DGKI: variants seen among roughly 807,000 people sequenced by gnomAD.
The protein encoded by DGKI is DAG kinase iota.
In DGKI, 55 loss-of-function variants were observed where a neutral mutation model predicts 147.5. That is an observed-to-expected ratio of 0.37 (90% CI 0.30 to 0.47). DGKI has a LOEUF of 0.47. Ranked by LOEUF, DGKI falls within the 20% of genes least tolerant of loss-of-function variation. DGKI has a pLI of 1.00. For missense variants in DGKI, 1,007 were observed against 1,323.8 expected (o/e 0.76, Z 3.71); for synonymous variants, 469 against 477.1 (o/e 0.98, Z 0.22).
intron 1 of DGKI, among the ~76,000 whole-genome samples, chr7:137,705,112 G>A (rs1313043480): frequency 1.3e-5 from 2 of 152,068 alleles, no homozygotes; most frequent in African/African-American, 2.4e-5. Flanking sequence ...CTAAATGTTG[G>A]CAAGAATGTG....
rs1382477123 is a variant in DGKI, at chr7:137,407,910, C to T, written c.2885G>A (p.Gly962Asp). The change falls in exon 30 of 33, where the codon GGC (glycine) becomes GAC (aspartate). Residue 962 changes from glycine (G) to aspartate (D), a missense_variant. Transcript: ENST00000614521. ...CSLLHYAAKT[G>D]NGEIVKYILD... ...GATATATTTCACAATCTCCCCGTTG[C>T]CGGTTTTAGCTGCGTAGTGAAGGAG... 1 of 1,614,096 alleles carries T rather than the reference C, an allele frequency of 6.2e-7. No homozygotes were observed. Among genetic ancestry groups the T allele is most frequent in the Non-Finnish European group, 8.5e-7 (1 of 1,179,954 alleles).
chr7:137,386,710 T>C lies in DGKI; in HGVS notation c.*4510A>G, dbSNP rs1373767730. ...ACTGGGGACACAGAAAAGGGTAGGG[T>C]CCAAGTCGATCTGACAGACCTGGCA... On this transcript the variant is annotated 3_prime_UTR_variant, in exon 33 of 33. Transcript: ENST00000614521. 3 of 151,936 alleles carry C rather than the reference T, an allele frequency of 2.0e-5. No individual in the cohort carries two copies. Among genetic ancestry groups the C allele is most frequent in the Non-Finnish European group, 4.4e-5 (3 of 67,972 alleles). The allele number at this position is 151,936 out of a possible 1,614,324, so 9.4% of individuals were successfully genotyped here.
In DGKI at chr7:137,390,849, G is replaced by GA. The variant is rs939034308; in HGVS notation, c.*370dup. On this transcript the variant is annotated 3_prime_UTR_variant, in exon 33 of 33. Coordinates refer to ENST00000614521, the MANE Select transcript of DGKI (RefSeq NM_001321708.2). ...TTACAGTAGAATTGTATGGTACAGGGAAAAAAACCAATGCATAGGGGGAGG... is the reference window on the plus strand; with the variant it reads ...TTACAGTAGAATTGTATGGTACAGGGAAAAAAAACCAATGCATAGGGGGAGG... The GA allele has an allele frequency of 2.1e-4, 49 of 233,298 alleles. No homozygotes were observed. Among genetic ancestry groups the GA allele is most frequent in the African/African-American group, 1.0e-3 (44 of 42,550 alleles). The allele number at this position is 233,298 out of a possible 1,614,324, so 14.5% of individuals were successfully genotyped here. A position where few individuals can be genotyped will look rare whatever the true frequency, so the allele number is the denominator to read the frequency against.
chr7:137,593,629 C>T lies in DGKI; in HGVS notation c.1311+4218G>A, dbSNP rs551443148. ...GATCCAGCACTCGAATATAGCTAAT[C>T]CAAATTGGATGTGCTGTAAGTATAA... is the stretch of plus-strand genomic sequence containing the variant. On this transcript the variant is annotated intron_variant, in intron 12 of 32. Transcript: ENST00000614521. Among the ~76,000 whole-genome samples the T allele has an allele frequency of 3.3e-5, 5 of 152,268 alleles. No individual in the cohort carries two copies. The South Asian group carries it at 1.0e-3, about 32-fold the overall frequency.
At position 137,382,857 on chromosome 7, in the gene DGKI, C is replaced by T. The variant is rs1192171477; in HGVS notation, c.*8363G>A. ...AATTACCTCAAGTGACTTCCTCCCT[C>T]ACCCAGTCAACCTGAAATCTAGGAA... On this transcript the variant is annotated 3_prime_UTR_variant, in exon 33 of 33. Transcript: ENST00000614521. The T allele has an allele frequency of 6.6e-6, 1 of 152,016 alleles. No individual in the cohort carries two copies. The highest frequency in any genetic ancestry group is 1.5e-5 in the Non-Finnish European group (1 of 67,942). The allele number at this position is 152,016 out of a possible 1,614,324, so 9.4% of individuals were successfully genotyped here. A position where few individuals can be genotyped will look rare whatever the true frequency, so the allele number is the denominator to read the frequency against.
intron 1 of DGKI, among the ~76,000 whole-genome samples, chr7:137,764,503 C>T (rs1795949842): frequency 6.6e-6 from 1 of 152,132 alleles, no homozygotes; most frequent in Admixed American, 6.6e-5. Flanking sequence ...TCGTTCATTT[C>T]CACCCGACTT....
chr7:137,564,313 T>C (rs1258915374), intron 19 of DGKI, among the ~76,000 whole-genome samples: 2 of 152,178 alleles, frequency 1.3e-5, no homozygotes, highest in Non-Finnish European at 2.9e-5. Flanking sequence ...CCAATCTTTC[T>C]GGGAGTAATC....
chr7:137,710,275 G>A (rs1026161068), intron 1 of DGKI, among the ~76,000 whole-genome samples: 1 of 152,080 alleles, frequency 6.6e-6, no homozygotes, highest in Admixed American at 6.6e-5. Context: ...AACTTGACAA[G>A]CTAATTCTAA....
chr7:137,683,200 CG>C (rs1823300313), intron 2 of DGKI, among the ~76,000 whole-genome samples: 1 of 151,712 alleles, frequency 6.6e-6, no homozygotes, highest in African/African-American at 2.4e-5. Flanking sequence ...ATTTAGTTTC[CG>C]CCAAAAGAGA....
chr7:137,633,661 C>A (rs1821212860), intron 6 of DGKI, among the ~76,000 whole-genome samples: 1 of 152,188 alleles, frequency 6.6e-6, no homozygotes, highest in African/African-American at 2.4e-5. Context: ...CTGAATATCA[C>A]AAATTTAACC....
intron 1 of DGKI, among the ~76,000 whole-genome samples, chr7:137,799,779 T>TC (rs1797138929): frequency 1.3e-5 from 2 of 152,204 alleles, no homozygotes; most frequent in Non-Finnish European, 2.9e-5. Context: ...AATTACAACA[T>TC]CTCCCATACA....
At chr7:137,738,023 C>T (rs764695192) in intron 1 of DGKI, among the ~76,000 whole-genome samples, 1 of 152,096 alleles carries the variant, frequency 6.6e-6, no homozygotes, top group Non-Finnish European at 1.5e-5. Flanking sequence ...AATAGCCAAG[C>T]TTTATTAAGA....
chr7:137,645,640 C>T (rs778563399), intron 5 of DGKI, 103 bp from the exon 6 acceptor site: 93 of 1,067,592 alleles, frequency 8.7e-5, no homozygotes, highest in Non-Finnish European at 1.1e-4. Flanking sequence ...AATCATAGTT[C>T]ACTGCAGCCT....
intron 1 of DGKI, among the ~76,000 whole-genome samples, chr7:137,699,702 C>T (rs891334486): frequency 3.9e-5 from 6 of 152,202 alleles, no homozygotes; most frequent in Non-Finnish European, 8.8e-5. Flanking sequence ...TTCCACAGGG[C>T]TGTTCCCAGT....
At chr7:137,467,631 A>G (rs1045391453) in intron 24 of DGKI, among the ~76,000 whole-genome samples, 11 of 152,222 alleles carry the variant, frequency 7.2e-5, no homozygotes, top group African/African-American at 2.4e-4. Context: ...TCTGAAAGAG[A>G]TTGAGCTACA....
intron 18 of DGKI, among the ~76,000 whole-genome samples, chr7:137,571,988 T>C (rs1818809472): frequency 6.6e-6 from 1 of 152,192 alleles, no homozygotes. Context: ...ATTTCTGGAA[T>C]AAAATTGTAA....
At chr7:137,612,328 C>T (rs910578814) in intron 8 of DGKI, among the ~76,000 whole-genome samples, 4 of 143,108 alleles carry the variant, frequency 2.8e-5, no homozygotes, top group Non-Finnish European at 6.0e-5. Context: ...AGAACAAGAA[C>T]AGGGCAGAGA....
intron 1 of DGKI, among the ~76,000 whole-genome samples, chr7:137,757,898 C>A (rs999870156): frequency 1.3e-5 from 2 of 152,084 alleles, no homozygotes; most frequent in African/African-American, 4.8e-5. Flanking sequence ...AGACATATAG[C>A]GAAATTGGAG....
chr7:137,446,451 C>G (rs553634228), intron 27 of DGKI, among the ~76,000 whole-genome samples: 1 of 152,292 alleles, frequency 6.6e-6, no homozygotes, highest in Admixed American at 6.5e-5. Flanking sequence ...CTGAGACATG[C>G]ACATCATCCA....
Sources: allele counts gnomAD v4.1 joint callset (sites outside exome capture counted in the v4.1 genomes callset), GRCh38; gene constraint gnomAD v4.1.1; transcripts MANE v1.5; gene names NCBI Gene and HGNC (gene_info 2026-07-23, HGNC 2026-07-21).